VAV3: variants seen among roughly 807,000 people sequenced by gnomAD.
VAV3 encodes vav guanine nucleotide exchange factor 3, also known as guanine nucleotide exchange factor VAV3.
VAV3 carries 94 observed loss-of-function variants against 131.2 expected under a neutral mutation model. The observed-to-expected ratio is 0.72, with a 90% CI of 0.61 to 0.85. The LOEUF is 0.85. Ranked by LOEUF, VAV3 falls within the 40% of genes least tolerant of loss-of-function variation. The probability of loss-of-function intolerance (pLI) is 0.00; values close to 1 mark genes in which losing one functional copy is unlikely to be tolerated. For synonymous variants in VAV3, 349 were observed against 342.0 expected (o/e 1.02, Z -0.22); for missense variants, 939 against 1,002.7 (o/e 0.94, Z 0.86).
intron 2 of VAV3, among the ~76,000 whole-genome samples, chr1:107,836,961 T>C (rs1451508588): frequency 6.6e-6 from 1 of 152,004 alleles, no homozygotes; most frequent in Non-Finnish European, 1.5e-5. Flanking sequence ...CACAGCCAAA[T>C]TCTTCCTGAT....
At chr1:107,675,688 C>T (rs772040276) in intron 19 of VAV3, among the ~76,000 whole-genome samples, 7 of 152,138 alleles carry the variant, frequency 4.6e-5, no homozygotes, top group Non-Finnish European at 1.5e-5. Context: ...CACCTTTCTT[C>T]AATTCTGTCC....
chr1:107,600,842 C>T (rs959906988), intron 24 of VAV3, among the ~76,000 whole-genome samples: 1 of 152,162 alleles, frequency 6.6e-6, no homozygotes, highest in Non-Finnish European at 1.5e-5. Flanking sequence ...CGATTCCTTT[C>T]ATCTTCTTTG....
chr1:107,698,982 G>A (rs945949036), intron 17 of VAV3, among the ~76,000 whole-genome samples: 12 of 152,154 alleles, frequency 7.9e-5, no homozygotes, highest in African/African-American at 1.7e-4. Context: ...ATTACAATTC[G>A]AGATGAGATT....
At chr1:107,867,730 G>A (rs1374420587) in intron 2 of VAV3, among the ~76,000 whole-genome samples, 1 of 152,132 alleles carries the variant, frequency 6.6e-6, no homozygotes, top group Non-Finnish European at 1.5e-5. Context: ...AGTACTCCTT[G>A]CCAGGCTGAG....
At chr1:107,645,552 A>G (rs1570675383) in intron 19 of VAV3, among the ~76,000 whole-genome samples, 1 of 152,052 alleles carries the variant, frequency 6.6e-6, no homozygotes, top group African/African-American at 2.4e-5. Flanking sequence ...TGCTATCCAA[A>G]ATGCCCTTTA....
intron 2 of VAV3, among the ~76,000 whole-genome samples, chr1:107,835,021 C>A (rs922784966): frequency 3.3e-5 from 5 of 152,140 alleles, no homozygotes; most frequent in African/African-American, 1.2e-4. Context: ...GCAGCTACAG[C>A]AAAATGCTCT....
intron 1 of VAV3, among the ~76,000 whole-genome samples, chr1:107,916,278 A>G (rs1472280506): frequency 1.3e-5 from 2 of 152,244 alleles, no homozygotes; most frequent in Non-Finnish European, 2.9e-5. Context: ...GAATAGAAGC[A>G]TACTGTTCAC....
rs569964499 is a variant in VAV3, at chr1:107,781,761, G to A, written c.322-2269C>T. ...CAATTTCTTCCTGGTCAACTATGTC[G>A]AACATCTAATGTCAAAACATATACA... On this transcript the variant is annotated intron_variant, in intron 2 of 26. Transcript: ENST00000370056. 9.2e-5 allele frequency among the ~76,000 whole-genome samples: 14 copies of A among 152,152 alleles called. No individual in the cohort carries two copies. In the South Asian group the frequency reaches 2.1e-3, roughly 23 times the overall value.
chr1:107,642,256 G>T (rs758737796), intron 20 of VAV3, among the ~76,000 whole-genome samples: 55 of 152,038 alleles, frequency 3.6e-4, no homozygotes, highest in Non-Finnish European at 4.4e-5. Context: ...TAAAGAAGCC[G>T]GCTAAATCCT....
chr1:107,822,533 T>C (rs935982858), intron 2 of VAV3, among the ~76,000 whole-genome samples: 4 of 151,804 alleles, frequency 2.6e-5, no homozygotes, highest in African/African-American at 9.7e-5. Flanking sequence ...CGGGTGCCTG[T>C]AGTCCCAGCT....
intron 20 of VAV3, 21 bp from the exon 21 acceptor site, chr1:107,617,653 C>T: frequency 6.3e-7 from 1 of 1,595,658 alleles, no homozygotes; most frequent in Non-Finnish European, 8.6e-7. Context: ...AAAAAAAATG[C>T]CAGTGTTGAG....
chr1:107,715,220 C>T (rs985873458), intron 15 of VAV3, among the ~76,000 whole-genome samples: 1 of 151,986 alleles, frequency 6.6e-6, no homozygotes, highest in African/African-American at 2.4e-5. Flanking sequence ...CCTGTTCCAC[C>T]GAGCACTCAA....
At chr1:107,886,209 C>T (rs1427218439) in intron 1 of VAV3, among the ~76,000 whole-genome samples, 2 of 152,196 alleles carry the variant, frequency 1.3e-5, no homozygotes, top group East Asian at 3.8e-4. Context: ...ACATATGTCC[C>T]AGGTATGACA....
chr1:107,798,810 G>A lies in VAV3; in HGVS notation c.322-19318C>T, dbSNP rs146704905. Among the ~76,000 whole-genome samples the A allele has an allele frequency of 5.9e-3, 888 of 150,470 alleles. 4 individuals carry two copies. The highest frequency in any genetic ancestry group is 0.017 in the Middle Eastern group (5 of 288). On this transcript the variant is annotated intron_variant, in intron 2 of 26. Transcript: ENST00000370056. ...GGAGGTGAAACTGCTATGAAATTGC[G>A]CTTTTCTATTGATTTTTTAACATTT...
At chr1:107,818,845 G>A (rs1247325378) in intron 2 of VAV3, among the ~76,000 whole-genome samples, 1 of 152,052 alleles carries the variant, frequency 6.6e-6, no homozygotes, top group Non-Finnish European at 1.5e-5. Flanking sequence ...CTCTCGACAT[G>A]CTACCATCAT....
chr1:107,614,634 T>A (rs1195850808), intron 21 of VAV3, among the ~76,000 whole-genome samples: 1 of 152,114 alleles, frequency 6.6e-6, no homozygotes, highest in Non-Finnish European at 1.5e-5. Flanking sequence ...AGCCACTTCT[T>A]GGGTCAGCAA....
At chr1:107,750,048 A>G (rs1663613378) in intron 13 of VAV3, among the ~76,000 whole-genome samples, 1 of 152,186 alleles carries the variant, frequency 6.6e-6, no homozygotes, top group Non-Finnish European at 1.5e-5. Flanking sequence ...CTCAATTTAA[A>G]TCCCCAAGAC....
chr1:107,757,184 TGTGTATGCA>T, intron 11 of VAV3, 68 bp downstream of exon 11: 1 of 904,996 alleles, frequency 1.1e-6, no homozygotes, highest in Non-Finnish European at 1.8e-6. Flanking sequence ...TGTGTGTGTG[TGTGTATGCA>T]ATTTGAATTC....
chr1:107,639,441 T>A (rs1302910304), intron 20 of VAV3, among the ~76,000 whole-genome samples: 2 of 152,102 alleles, frequency 1.3e-5, no homozygotes, highest in Non-Finnish European at 2.9e-5. Context: ...GAAGGACTTT[T>A]ACCCAAAATA....
Sources: gnomAD v4.1 joint callset for allele counts (sites outside exome capture counted in the v4.1 genomes callset) on GRCh38, gnomAD v4.1.1 for gene constraint, MANE v1.5 for transcripts, NCBI Gene and HGNC (gene_info 2026-07-23, HGNC 2026-07-21) for gene names.